The following ACOXL variants were observed in gnomAD, a reference collection of about 807,000 sequenced individuals.
The protein encoded by ACOXL is acyl-coenzyme A oxidase-like protein.
ACOXL carries 70 observed loss-of-function variants against 71.9 expected under a neutral mutation model. That is an observed-to-expected ratio of 0.97 (90% CI 0.80 to 1.19). The LOEUF (loss-of-function observed/expected upper bound fraction) is 1.19, where lower values mean the gene tolerates loss of function less well. Among genes scored for constraint, ACOXL ranks in the 50% most tolerant of loss-of-function variants. ACOXL has a pLI of 0.00. For missense variants in ACOXL, 703 were observed against 736.3 expected (o/e 0.95, Z 0.52); for synonymous variants, 253 against 281.6 (o/e 0.90, Z 1.02).
At chr2:111,011,468 TAAGC>T (rs2064152214) in intron 14 of ACOXL, among the ~76,000 whole-genome samples, 1 of 152,102 alleles carries the variant, frequency 6.6e-6, no homozygotes, top group African/African-American at 2.4e-5. Context: ...AGGTTAAAAA[TAAGC>T]AAGGGTCTTC....
intron 14 of ACOXL, among the ~76,000 whole-genome samples, chr2:111,006,856 G>T (rs577203731): frequency 8.5e-5 from 13 of 152,228 alleles, no homozygotes; most frequent in Admixed American, 5.9e-4. Context: ...ACCGCACCCG[G>T]CTGTCTTTCT....
intron 10 of ACOXL, among the ~76,000 whole-genome samples, chr2:110,904,616 G>A (rs1467838331): frequency 6.6e-6 from 1 of 152,232 alleles, no homozygotes; most frequent in Non-Finnish European, 1.5e-5. Flanking sequence ...GCCATTGAAA[G>A]CATAGTTTGT....
intron 10 of ACOXL, among the ~76,000 whole-genome samples, chr2:110,895,976 A>T (rs556116060): frequency 6.6e-6 from 1 of 152,272 alleles, no homozygotes; most frequent in South Asian, 2.1e-4. Flanking sequence ...ACACACAAAT[A>T]CAATAGACTT....
At chr2:110,911,097 C>A (rs2059635193) in intron 11 of ACOXL, among the ~76,000 whole-genome samples, 2 of 152,026 alleles carry the variant, frequency 1.3e-5, no homozygotes, top group South Asian at 2.1e-4. Flanking sequence ...ATACTATGAA[C>A]AATAGTATGC....
At chr2:110,751,160 G>A (rs1166513448) in intron 1 of ACOXL, among the ~76,000 whole-genome samples, 1 of 151,988 alleles carries the variant, frequency 6.6e-6, no homozygotes, top group Non-Finnish European at 1.5e-5. Flanking sequence ...AATTAGCCAG[G>A]CATTGTAGCG....
At chr2:110,795,138 G>A (rs543636305) in intron 5 of ACOXL, among the ~76,000 whole-genome samples, 3 of 152,342 alleles carry the variant, frequency 2.0e-5, no homozygotes, top group East Asian at 1.9e-4. Flanking sequence ...CTGCCTGGCC[G>A]TGTGGCTGCT....
Position 111,031,728 on chromosome 2 carries a change from T to A in ACOXL, c.1369+14T>A, listed in dbSNP as rs746310913. The A allele has an allele frequency of 1.1e-5, 17 of 1,613,664 alleles. No individual in the cohort carries two copies. Among genetic ancestry groups the A allele is most frequent in the Non-Finnish European group, 1.4e-5 (17 of 1,179,598 alleles). ...ACACTCACCGAGGTCAGTTGGCTCC[T>A]GTTGAATATTTGTAATTGAGTGACT... On this transcript the variant is annotated intron_variant, in intron 15 of 17. Transcript: ENST00000439055.
intron 16 of ACOXL, among the ~76,000 whole-genome samples, chr2:111,077,572 G>C (rs760228420): frequency 1.3e-5 from 2 of 151,810 alleles, no homozygotes; most frequent in Non-Finnish European, 2.9e-5. Flanking sequence ...CCTTCATTTT[G>C]CTTCTGCCTG....
At position 110,833,627 on chromosome 2, in the gene ACOXL, C is replaced by G. The variant is rs182589460; in HGVS notation, c.754-7744C>G. ...TACTTCTCCATATAATTTCTTAGAC[C>G]TGCATGCGAATCTACAATTATCTCA... is the stretch of plus-strand genomic sequence containing the variant. On this transcript the variant is annotated intron_variant, in intron 9 of 17. Coordinates refer to ENST00000439055, the MANE Select transcript of ACOXL (RefSeq NM_001142807.4). Among the ~76,000 whole-genome samples, 329 of 152,210 alleles carry G rather than the reference C, an allele frequency of 2.2e-3. 2 individuals are homozygous for G. Among genetic ancestry groups the G allele is most frequent in the South Asian group, 0.014 (68 of 4,812 alleles).
At chr2:110,814,765 GAAC>G (rs1222599263) in intron 9 of ACOXL, among the ~76,000 whole-genome samples, 5 of 152,112 alleles carry the variant, frequency 3.3e-5, no homozygotes, top group Non-Finnish European at 7.4e-5. Context: ...TTTACAATTT[GAAC>G]AACAATATTC....
intron 9 of ACOXL, among the ~76,000 whole-genome samples, chr2:110,831,248 A>G (rs1008699333): frequency 6.6e-6 from 1 of 152,182 alleles, no homozygotes; most frequent in Non-Finnish European, 1.5e-5. Context: ...AGGAACCTAC[A>G]CCCCCACACA....
intron 10 of ACOXL, among the ~76,000 whole-genome samples, chr2:110,896,748 A>C (rs2059024502): frequency 2.0e-5 from 3 of 152,202 alleles, no homozygotes; most frequent in Non-Finnish European, 4.4e-5. Context: ...AACTAACAGA[A>C]CTGAAAGGAC....
At chr2:111,114,858 T>TA (rs1024522029) in intron 17 of ACOXL, among the ~76,000 whole-genome samples, 1 of 151,842 alleles carries the variant, frequency 6.6e-6, no homozygotes, top group African/African-American at 2.4e-5. Flanking sequence ...AAACTGATGT[T>TA]ACAATTTTTC....
chr2:110,783,795 G>A (rs1573495982), intron 2 of ACOXL, among the ~76,000 whole-genome samples: 1 of 152,134 alleles, frequency 6.6e-6, no homozygotes, highest in East Asian at 1.9e-4. Flanking sequence ...GGCAAACAAG[G>A]ACAACTAGCA....
chr2:110,892,295 A>G (rs1332414310), intron 10 of ACOXL, among the ~76,000 whole-genome samples: 1 of 152,150 alleles, frequency 6.6e-6, no homozygotes, highest in Non-Finnish European at 1.5e-5. Flanking sequence ...CAAAGGAAGA[A>G]CGCCCTGAAA....
At chr2:110,935,387 C>T (rs2060623679) in intron 12 of ACOXL, among the ~76,000 whole-genome samples, 1 of 152,140 alleles carries the variant, frequency 6.6e-6, no homozygotes, top group African/African-American at 2.4e-5. Context: ...TCATCCTAAC[C>T]CTCATCCCTT....
At chr2:110,950,287 G>T (rs1417613964) in intron 12 of ACOXL, among the ~76,000 whole-genome samples, 1 of 152,146 alleles carries the variant, frequency 6.6e-6, no homozygotes, top group South Asian at 2.1e-4. Context: ...TCCTAGGTTA[G>T]TAGGTCCTAT....
intron 10 of ACOXL, among the ~76,000 whole-genome samples, chr2:110,874,506 T>G (rs186048088): frequency 6.6e-6 from 1 of 152,144 alleles, no homozygotes; most frequent in Non-Finnish European, 1.5e-5. Flanking sequence ...CAAGAGCCCC[T>G]CTGCCATTCA....
At chr2:110,809,071 C>T (rs1236402831) in intron 9 of ACOXL, among the ~76,000 whole-genome samples, 1 of 152,246 alleles carries the variant, frequency 6.6e-6, no homozygotes, top group African/African-American at 2.4e-5. Flanking sequence ...TTCTTGTGCT[C>T]CCACATACCA....
Sources: allele counts gnomAD v4.1 joint callset (sites outside exome capture counted in the v4.1 genomes callset), GRCh38; gene constraint gnomAD v4.1.1; transcripts MANE v1.5; gene names NCBI Gene and HGNC (gene_info 2026-07-23, HGNC 2026-07-21).